Variants in PAFAH1B2 observed in about 807,000 individuals in gnomAD.
The protein encoded by PAFAH1B2 is platelet-activating factor acetylhydrolase IB subunit alpha2.
In PAFAH1B2, 8 loss-of-function variants were observed where a neutral mutation model predicts 28.0. The observed-to-expected ratio is 0.29, with a 90% CI of 0.17 to 0.52. The LOEUF is 0.52. Among genes scored for constraint, PAFAH1B2 ranks in the 20% least tolerant of loss-of-function variants. The pLI, the probability that PAFAH1B2 is intolerant of heterozygous loss-of-function variation, is 0.97. For missense variants in PAFAH1B2, 190 were observed against 282.6 expected (o/e 0.67, Z 2.35); for synonymous variants, 104 against 103.2 (o/e 1.01, Z -0.05).
intron 3 of PAFAH1B2, among the ~76,000 whole-genome samples, chr11:117,160,260 G>C (rs760747110): frequency 6.6e-6 from 1 of 152,264 alleles, no homozygotes; most frequent in Non-Finnish European, 1.5e-5. Flanking sequence ...TGGTTTCCAA[G>C]AGGCTTGATG....
chr11:117,174,854 A>T, downstream of PAFAH1B2: 5 of 1,354,144 alleles, frequency 3.7e-6, no homozygotes, highest in South Asian at 6.7e-5. Flanking sequence ...ACTTCAGATG[A>T]TCCAACCGCC....
intron 2 of PAFAH1B2, chr11:117,159,709 T>A (rs552671620): frequency 1.9e-5 from 9 of 463,090 alleles, no homozygotes; most frequent in African/African-American, 1.8e-4. Flanking sequence ...TACTCCAGCC[T>A]GGGTGAGAGA....
chr11:117,169,403 C>T lies in PAFAH1B2; in HGVS notation c.*1704C>T, dbSNP rs893877382. On this transcript the variant is annotated 3_prime_UTR_variant, in exon 6 of 6. Transcript: ENST00000527958. ...GGACCAGGTGGGTATTGAAGTAACC[C>T]ATCAAAATATGCTCTGCAGTGATTC... The T allele has an allele frequency of 2.9e-6, 3 of 1,051,974 alleles. No individual in the cohort carries two copies. Among genetic ancestry groups the T allele is most frequent in the Non-Finnish European group, 3.4e-6 (3 of 870,938 alleles). The allele number at this position is 1,051,974 out of a possible 1,614,324, so 65.2% of individuals were successfully genotyped here. A position where few individuals can be genotyped will look rare whatever the true frequency, so the allele number is the denominator to read the frequency against.
At chr11:117,160,380 A>AG (rs1260622658) in intron 3 of PAFAH1B2, among the ~76,000 whole-genome samples, 13 of 152,124 alleles carry the variant, frequency 8.5e-5, no homozygotes, top group Non-Finnish European at 1.8e-4. Flanking sequence ...ATTCTTACTT[A>AG]TATTTTGCCA....
intron 1 of PAFAH1B2, among the ~76,000 whole-genome samples, chr11:117,150,124 A>T (rs1271244989): frequency 6.6e-6 from 1 of 152,184 alleles, no homozygotes; most frequent in Non-Finnish European, 1.5e-5. Context: ...GAAAGTATAG[A>T]ATGTTTTACT....
At chr11:117,175,235 A>G, downstream of PAFAH1B2, 3 of 1,089,644 alleles carry the variant, frequency 2.8e-6, no homozygotes, top group Non-Finnish European at 3.3e-6. Flanking sequence ...GGCCAGGATC[A>G]CATCCCTGAG....
chr11:117,150,955 T>A (rs1591732390), intron 1 of PAFAH1B2, among the ~76,000 whole-genome samples: 1 of 145,722 alleles, frequency 6.9e-6, no homozygotes, highest in South Asian at 2.2e-4. Flanking sequence ...GCCACTGCAC[T>A]CCAGCCTCGG....
chr11:117,166,642 A>G (rs1956516933), intron 5 of PAFAH1B2, among the ~76,000 whole-genome samples: 1 of 152,194 alleles, frequency 6.6e-6, no homozygotes, highest in Non-Finnish European at 1.5e-5. Flanking sequence ...AAAGGGCTAC[A>G]AGAAGACAAA....
At chr11:117,148,799 C>G (rs1956074322) in intron 1 of PAFAH1B2, among the ~76,000 whole-genome samples, 1 of 152,022 alleles carries the variant, frequency 6.6e-6, no homozygotes. Context: ...GATCATTGGT[C>G]TTGAAAGAGT....
intron 1 of PAFAH1B2, among the ~76,000 whole-genome samples, chr11:117,146,289 C>T (rs1274414166): frequency 2.6e-5 from 4 of 151,420 alleles, no homozygotes; most frequent in Admixed American, 6.6e-5. Flanking sequence ...GACGGGGTTT[C>T]GCCACGTTGG....
rs757737498 is a variant in PAFAH1B2 at position 117,167,719 on chromosome 11, A to C, written c.*20A>C. 1 of 1,502,974 alleles carries C rather than the reference A, an allele frequency of 6.7e-7. No individual in the cohort carries two copies. The highest frequency in any genetic ancestry group is 8.9e-7 in the Non-Finnish European group (1 of 1,121,292). The allele number at this position is 1,502,974 out of a possible 1,614,324, so 93.1% of individuals were successfully genotyped here. A position where few individuals can be genotyped will look rare whatever the true frequency, so the allele number is the denominator to read the frequency against. ...GCCTGACTGGCTCTTATCAGTGTTA[A>C]TAGCATCTCAGCTTCCTCAGATCAG... On this transcript the variant is annotated 3_prime_UTR_variant, in exon 6 of 6. Transcript: ENST00000527958.
chr11:117,173,134 C>A (rs1449659599), downstream of PAFAH1B2, among the ~76,000 whole-genome samples: 1 of 152,194 alleles, frequency 6.6e-6, no homozygotes, highest in Non-Finnish European at 1.5e-5. Flanking sequence ...TTTTCTGCAA[C>A]CTGATGACCA....
At chr11:117,154,820 CTG>C in intron 2 of PAFAH1B2, among the ~76,000 whole-genome samples, 1 of 152,216 alleles carries the variant, frequency 6.6e-6, no homozygotes, top group East Asian at 1.9e-4. Context: ...TCAAAATAGT[CTG>C]GGGATGGAGT....
chr11:117,168,416 C>CCCTT lies in PAFAH1B2; in HGVS notation c.*718_*721dup. ...TTCCTCCTTATTCCCCTTCATGCCCCCCTTTCCCCTTCATTCCCCCCGCCA... is the reference window on the plus strand; with the variant it reads ...TTCCTCCTTATTCCCCTTCATGCCCCCCTTCCTTTCCCCTTCATTCCCCCCGCCA... On this transcript the variant is annotated 3_prime_UTR_variant, in exon 6 of 6. Coordinates refer to ENST00000527958, the MANE Select transcript of PAFAH1B2 (RefSeq NM_002572.4). 1 of 995,806 alleles carries CCCTT rather than the reference C, an allele frequency of 1.0e-6. No homozygotes were observed. Among genetic ancestry groups the CCCTT allele is most frequent in the South Asian group, 4.8e-5 (1 of 20,708 alleles). 61.7% of individuals were successfully genotyped at this position (995,806 alleles called of 1,614,324 possible).
intron 5 of PAFAH1B2, among the ~76,000 whole-genome samples, chr11:117,165,644 G>C (rs1383655534): frequency 6.6e-6 from 1 of 152,140 alleles, no homozygotes; most frequent in African/African-American, 2.4e-5. Flanking sequence ...TTTAACAAAA[G>C]TTGACATCTG....
chr11:117,173,545 G>A (rs1471508121), downstream of PAFAH1B2, among the ~76,000 whole-genome samples: 1 of 151,866 alleles, frequency 6.6e-6, no homozygotes, highest in Non-Finnish European at 1.5e-5. Context: ...AGGTTTTTAT[G>A]TTGCCCAGGT....
At chr11:117,166,994 T>A (rs1316098078) in intron 5 of PAFAH1B2, among the ~76,000 whole-genome samples, 1 of 152,162 alleles carries the variant, frequency 6.6e-6, no homozygotes, top group Non-Finnish European at 1.5e-5. Context: ...ATAGATAAGA[T>A]ATATGGGATG....
intron 5 of PAFAH1B2, among the ~76,000 whole-genome samples, chr11:117,166,611 C>G (rs73008535): frequency 6.6e-6 from 1 of 152,138 alleles, no homozygotes; most frequent in East Asian, 1.9e-4. Context: ...CATGCCTAAT[C>G]CTAGTATCTA....
rs756742381 is a variant in PAFAH1B2, at chr11:117,163,850, A to G, written c.369A>G (p.Gln123=). The G allele has an allele frequency of 6.2e-7, 1 of 1,613,970 alleles. No homozygotes were observed. The highest frequency in any genetic ancestry group is 1.3e-5 in the African/African-American group (1 of 74,914). The part of the protein sequence containing the change: ...EVAGGIEAIV[Q]LINTRQPQAK... The stretch of plus-strand genomic sequence containing the variant: ...CAGGTGGGATCGAGGCCATTGTACA[A>G]CTTATCAACACAAGGCAGCCACAGG... Residue 123 remains glutamine, a synonymous_variant, in exon 5 of 6, where the codon CAA becomes CAG. Coordinates refer to ENST00000527958, the MANE Select transcript of PAFAH1B2 (RefSeq NM_002572.4).
Sources: gnomAD v4.1 joint callset for allele counts (sites outside exome capture counted in the v4.1 genomes callset) on GRCh38, gnomAD v4.1.1 for gene constraint, MANE v1.5 for transcripts, NCBI Gene and HGNC (gene_info 2026-07-23, HGNC 2026-07-21) for gene names.